Variants in RFTN2 observed in about 807,000 individuals in gnomAD.
The protein encoded by RFTN2 is raftlin family member 2.
RFTN2 carries 34 observed loss-of-function variants against 52.7 expected under a neutral mutation model. That is an observed-to-expected ratio of 0.64 (90% CI 0.49 to 0.86). RFTN2 has a LOEUF of 0.86. RFTN2 is among the 40% of genes least tolerant of loss of function. The pLI is 0.00. For missense variants in RFTN2, 536 were observed against 600.1 expected, an observed-to-expected ratio of 0.89 and a Z score of 1.12; for synonymous variants, 203 against 217.7, an observed-to-expected ratio of 0.93 and a Z score of 0.59.
chr2:197,625,030 T>C (rs1055653299), intron 5 of RFTN2, among the ~76,000 whole-genome samples: 3 of 152,122 alleles, frequency 2.0e-5, no homozygotes, highest in Non-Finnish European at 2.9e-5. Context: ...TCAGCCACCA[T>C]CAACACAGAG....
chr2:197,616,921 G>A (rs1372530386), intron 6 of RFTN2, among the ~76,000 whole-genome samples: 1 of 152,180 alleles, frequency 6.6e-6, no homozygotes. Flanking sequence ...CAGCCTGTCA[G>A]GGAGGGCCTC....
chr2:197,632,719 T>G (rs142910472), intron 4 of RFTN2, among the ~76,000 whole-genome samples: 1 of 152,200 alleles, frequency 6.6e-6, no homozygotes, highest in Non-Finnish European at 1.5e-5. Flanking sequence ...GCGATCTAAG[T>G]TGGTAAATGC....
chr2:197,645,335 G>A (rs1024299927), intron 2 of RFTN2, among the ~76,000 whole-genome samples: 1 of 152,156 alleles, frequency 6.6e-6, no homozygotes, highest in Non-Finnish European at 1.5e-5. Context: ...TATAGCCTAG[G>A]TGTATAGTAG....
At chr2:197,595,293 A>C (rs990789800) in intron 8 of RFTN2, among the ~76,000 whole-genome samples, 2 of 152,222 alleles carry the variant, frequency 1.3e-5, no homozygotes, top group African/African-American at 4.8e-5. Context: ...GGCAGAAAAA[A>C]CTGTTCCTCT....
intron 1 of RFTN2, 71 bp downstream of exon 1, chr2:197,675,249 G>C: frequency 8.1e-7 from 1 of 1,236,276 alleles, no homozygotes. Context: ...AATTTATTAA[G>C]TCAACACTTA....
chr2:197,588,600 G>T (rs901078163), intron 8 of RFTN2, among the ~76,000 whole-genome samples: 13 of 152,202 alleles, frequency 8.5e-5, no homozygotes, highest in African/African-American at 3.1e-4. Flanking sequence ...GTTGTTTCCA[G>T]TTTGAGGTGA....
chr2:197,665,517 C>CTTTTTTTTTTTTTTTTTTTTTTTTTTTTT lies in RFTN2; in HGVS notation c.139+9802_139+9803insAAAAAAAAAAAAAAAAAAAAAAAAAAAAA. On this transcript the variant is annotated intron_variant, in intron 1 of 8. Coordinates refer to ENST00000295049, the MANE Select transcript of RFTN2 (RefSeq NM_144629.3). ...ATTCCTTTATCATTATGTACCTTGC[C>CTTTTTTTTTTTTTTTTTTTTTTTTTTTTT]TTTTTTTTTTTTTTTTACTGTTTTC... 1.7e-4 allele frequency among the ~76,000 whole-genome samples: 7 copies of CTTTTTTTTTTTTTTTTTTTTTTTTTTTTT among 41,504 alleles called. 1 individual carries two copies. The highest frequency in any genetic ancestry group is 8.4e-4 in the African/African-American group (6 of 7,104). 27.2% of individuals were successfully genotyped at this position (41,504 alleles called of 152,430 possible). A position where few individuals can be genotyped will look rare whatever the true frequency, so the allele number is the denominator to read the frequency against.
At chr2:197,609,181 T>A (rs1314396194) in intron 7 of RFTN2, among the ~76,000 whole-genome samples, 1 of 152,226 alleles carries the variant, frequency 6.6e-6, no homozygotes, top group Non-Finnish European at 1.5e-5. Context: ...ATGGTATTTC[T>A]AATTCTAGAT....
chr2:197,639,724 C>A (rs1455594267), intron 3 of RFTN2, among the ~76,000 whole-genome samples: 31 of 137,916 alleles, frequency 2.2e-4, no homozygotes, highest in Non-Finnish European at 3.4e-4. Context: ...TCGTCTGAAG[C>A]CTTCTTCTCT....
At chr2:197,613,037 A>G (rs1350625173) in intron 7 of RFTN2, among the ~76,000 whole-genome samples, 1 of 152,230 alleles carries the variant, frequency 6.6e-6, no homozygotes, top group Non-Finnish European at 1.5e-5. Flanking sequence ...GTGTGAGAAT[A>G]TGTGTAAGAA....
At chr2:197,579,097 C>T (rs1005851559) in intron 8 of RFTN2, among the ~76,000 whole-genome samples, 12 of 152,154 alleles carry the variant, frequency 7.9e-5, no homozygotes, top group South Asian at 2.1e-4. Flanking sequence ...ACTCTGGCGC[C>T]GGTCACAGAC....
At chr2:197,581,045 C>T (rs2087500091) in intron 8 of RFTN2, among the ~76,000 whole-genome samples, 1 of 152,138 alleles carries the variant, frequency 6.6e-6, no homozygotes, top group Admixed American at 6.5e-5. Context: ...GGCAACCAAT[C>T]ACACACTTGT....
In RFTN2 at chr2:197,621,756, A is replaced by G. The variant is rs534802039; in HGVS notation, c.929-3835T>C. Among the ~76,000 whole-genome samples, 4 of 152,206 alleles carry G rather than the reference A, an allele frequency of 2.6e-5. 1 individual carries two copies. Among genetic ancestry groups the G allele is most frequent in the Admixed American group, 2.6e-4 (4 of 15,284 alleles). On this transcript the variant is annotated intron_variant, in intron 5 of 8. Coordinates refer to ENST00000295049, the MANE Select transcript of RFTN2 (RefSeq NM_144629.3). ...ATTCCCTGAAATTAGGCCAATTAATAACCCCGAAATAGCCTCTAGGTGTTC... is the reference window on the plus strand; with the variant it reads ...ATTCCCTGAAATTAGGCCAATTAATGACCCCGAAATAGCCTCTAGGTGTTC...
intron 7 of RFTN2, among the ~76,000 whole-genome samples, chr2:197,611,062 G>A (rs895102688): frequency 7.2e-5 from 11 of 152,178 alleles, no homozygotes; most frequent in Non-Finnish European, 1.3e-4. Context: ...AGGGATATTG[G>A]CCTAAAATAT....
At chr2:197,600,489 T>C (rs1282034277) in intron 7 of RFTN2, among the ~76,000 whole-genome samples, 2 of 152,170 alleles carry the variant, frequency 1.3e-5, no homozygotes, top group Non-Finnish European at 2.9e-5. Flanking sequence ...GGAACTTGTT[T>C]TGGTTTCGAG....
intron 1 of RFTN2, among the ~76,000 whole-genome samples, chr2:197,647,473 G>A (rs960573144): frequency 6.6e-6 from 1 of 152,138 alleles, no homozygotes; most frequent in Non-Finnish European, 1.5e-5. Context: ...GCTTCCCAAA[G>A]TGTTGGGATT....
Position 197,625,699 on chromosome 2 carries a change from C to CTCTCT in RFTN2, c.928+5311_928+5312insAGAGA, listed in dbSNP as rs1553602634. Among the ~76,000 whole-genome samples, 156 of 103,136 alleles carry CTCTCT rather than the reference C, an allele frequency of 1.5e-3. 3 individuals carry two copies. The highest frequency in any genetic ancestry group is 4.9e-3 in the African/African-American group (131 of 26,930). The allele number at this position is 103,136 out of a possible 152,430, so 67.7% of individuals were successfully genotyped here. ...CTCTCCTCTCCTCTCCTCTCCTCTC[C>CTCTCT]TCTCCTCTCCTCTCCTCTCCTCCCC... On this transcript the variant is annotated intron_variant, in intron 5 of 8. Coordinates refer to ENST00000295049, the MANE Select transcript of RFTN2 (RefSeq NM_144629.3).
intron 8 of RFTN2, among the ~76,000 whole-genome samples, chr2:197,572,550 G>A (rs901657666): frequency 2.0e-5 from 3 of 152,130 alleles, no homozygotes; most frequent in Non-Finnish European, 4.4e-5. Context: ...ACACATCTCG[G>A]CCCTCAGTGA....
At position 197,666,334 on chromosome 2, in the gene RFTN2, C is replaced by A. The variant is rs150550040; in HGVS notation, c.139+8986G>T. Among the ~76,000 whole-genome samples, 15 of 152,326 alleles carry A rather than the reference C, an allele frequency of 9.8e-5. No individual in the cohort carries two copies. In the East Asian group the frequency reaches 2.9e-3, roughly 29 times the overall value. On this transcript the variant is annotated intron_variant, in intron 1 of 8. Coordinates refer to ENST00000295049, the MANE Select transcript of RFTN2 (RefSeq NM_144629.3). ...TCCTGACCTTAAGTGCCTTGGCCTC[C>A]CAAAGTGTTGGGATTACAGGCATGG...
Sources: gnomAD v4.1 joint callset for allele counts (sites outside exome capture counted in the v4.1 genomes callset) on GRCh38, gnomAD v4.1.1 for gene constraint, MANE v1.5 for transcripts, NCBI Gene and HGNC (gene_info 2026-07-23, HGNC 2026-07-21) for gene names.